The following WNT2B variants were observed in gnomAD, a reference collection of about 807,000 sequenced individuals.
WNT2B encodes Wnt family member 2B, also known as protein Wnt-2b.
In WNT2B, 19 loss-of-function variants were observed where a neutral mutation model predicts 40.5. The ratio of observed to expected loss-of-function variants is 0.47; its 90% CI spans 0.33 to 0.69. The LOEUF (loss-of-function observed/expected upper bound fraction) is 0.69. WNT2B is among the 30% of genes least tolerant of loss of function. The pLI is 0.02. For synonymous variants in WNT2B, 220 were observed against 211.9 expected, an observed-to-expected ratio of 1.04 and a Z score of -0.33; for missense variants, 467 against 556.4, an observed-to-expected ratio of 0.84 and a Z score of 1.62.
At chr1:112,476,463 T>C (rs1042682550) in intron 1 of WNT2B, among the ~76,000 whole-genome samples, 3 of 151,522 alleles carry the variant, frequency 2.0e-5, no homozygotes, top group African/African-American at 7.3e-5. Flanking sequence ...CCAACCAAAA[T>C]AGCTCTGGGA....
chr1:112,474,312 ATTTT>A (rs34850561), intron 1 of WNT2B, among the ~76,000 whole-genome samples: 1 of 150,480 alleles, frequency 6.6e-6, no homozygotes, highest in Non-Finnish European at 1.5e-5. Context: ...CATCTGACTG[ATTTT>A]TTTTTGTATT....
Position 112,467,380 on chromosome 1 carries a change from T to C in WNT2B, c.-306T>C, listed in dbSNP as rs554625234. ...CACATTTACCAAGAAGCTAATGAGGTTTAAGCTTCGAGGCCCATCACTGGC... is the reference window on the plus strand; with the variant it reads ...CACATTTACCAAGAAGCTAATGAGGCTTAAGCTTCGAGGCCCATCACTGGC... On this transcript the variant is annotated 5_prime_UTR_variant, in exon 1 of 5. Coordinates refer to the WNT2B transcript ENST00000256640. 5.7e-5 allele frequency: 35 copies of C among 610,326 alleles called. No individual in the cohort carries two copies. The African/African-American group carries it at 6.2e-4, about 11-fold the overall frequency. 37.8% of individuals were successfully genotyped at this position (610,326 alleles called of 1,614,324 possible).
chr1:112,512,078 G>T (rs1458853519), intron 1 of WNT2B, among the ~76,000 whole-genome samples: 1 of 139,960 alleles, frequency 7.1e-6, no homozygotes, highest in African/African-American at 2.6e-5. Flanking sequence ...AAGGAGGAAA[G>T]AAAAAAAAAA....
intron 4 of WNT2B, chr1:112,518,132 G>C (rs1166109430): frequency 6.6e-6 from 1 of 152,230 alleles, no homozygotes; most frequent in African/African-American, 2.4e-5. Context: ...GCAGCAAATG[G>C]TTGTTTTTCA....
At chr1:112,502,635 C>A (rs1051493555) in intron 1 of WNT2B, among the ~76,000 whole-genome samples, 3 of 152,138 alleles carry the variant, frequency 2.0e-5, no homozygotes, top group African/African-American at 7.2e-5. Context: ...TCCACGGTCC[C>A]CAGCCTCACC....
At chr1:112,518,599 C>T (rs1652694078) in intron 4 of WNT2B, among the ~76,000 whole-genome samples, 1 of 152,170 alleles carries the variant, frequency 6.6e-6, no homozygotes, top group South Asian at 2.1e-4. Flanking sequence ...TGGTCTAATT[C>T]AGAGGGTCAC....
upstream of WNT2B, among the ~76,000 whole-genome samples, chr1:112,505,541 G>T (rs1462427881): frequency 2.0e-5 from 3 of 152,174 alleles, no homozygotes; most frequent in Non-Finnish European, 2.9e-5. Flanking sequence ...AAATGAAGAT[G>T]CAGGTCAGGA....
At chr1:112,514,189 A>T (rs555299575) in intron 1 of WNT2B, among the ~76,000 whole-genome samples, 87 of 152,214 alleles carry the variant, frequency 5.7e-4, no homozygotes, top group Middle Eastern at 3.4e-3. Context: ...AGGTCCATCC[A>T]GGTTGGGGAA....
In WNT2B at chr1:112,524,789, C is replaced by A. The variant is rs1178746753; in HGVS notation, c.*4280C>A. 3 of 152,210 alleles carry A rather than the reference C, an allele frequency of 2.0e-5. No homozygotes were observed. In the East Asian group the frequency reaches 5.8e-4, roughly 29 times the overall value. 9.4% of individuals were successfully genotyped at this position (152,210 alleles called of 1,614,324 possible). Reference sequence around the variant, plus strand: ...ACACAGAGGTGTACATATACAGACACATAGAGAACTTCTCTCAGGCTGCAT... The same window carrying A: ...ACACAGAGGTGTACATATACAGACAAATAGAGAACTTCTCTCAGGCTGCAT... On this transcript the variant is annotated 3_prime_UTR_variant, in exon 5 of 5. Transcript: ENST00000369684.
intron 1 of WNT2B, chr1:112,491,019 A>C: frequency 6.2e-7 from 1 of 1,614,054 alleles, no homozygotes; most frequent in Non-Finnish European, 8.5e-7. Context: ...AGACTGAAGG[A>C]TCCTTGAGGA....
chr1:112,495,726 A>G (rs1380997758), intron 1 of WNT2B, among the ~76,000 whole-genome samples: 1 of 152,244 alleles, frequency 6.6e-6, no homozygotes, highest in Non-Finnish European at 1.5e-5. Context: ...TAAGAAATCA[A>G]ATATAAACAA....
intron 1 of WNT2B, among the ~76,000 whole-genome samples, chr1:112,481,576 T>C (rs1651225665): frequency 6.6e-6 from 1 of 152,068 alleles, no homozygotes; most frequent in African/African-American, 2.4e-5. Flanking sequence ...GAAAAAGCCA[T>C]CCAAACAAAA....
intron 1 of WNT2B, among the ~76,000 whole-genome samples, chr1:112,510,166 A>G (rs2101083079): frequency 6.6e-6 from 1 of 151,718 alleles, no homozygotes; most frequent in South Asian, 2.1e-4. Flanking sequence ...GATTTCTTGC[A>G]GGCCCTAGAC....
chr1:112,488,296 TCAAA>T (rs762642412), intron 1 of WNT2B, among the ~76,000 whole-genome samples: 8 of 151,952 alleles, frequency 5.3e-5, no homozygotes, highest in East Asian at 1.9e-4. Context: ...AGACTCTGTC[TCAAA>T]CAAACAAACA....
rs1653766348 is a variant in WNT2B, at chr1:112,528,125, A to G, written c.*7616A>G. The G allele has an allele frequency of 6.6e-6, 1 of 152,218 alleles. No homozygotes were observed. The highest frequency in any genetic ancestry group is 2.4e-5 in the African/African-American group (1 of 41,466). The allele number at this position is 152,218 out of a possible 1,614,324, so 9.4% of individuals were successfully genotyped here. ...GTTAATGAGATTAAGCAGAGATGGCATTCCACAGGAGGTGACTTTTGAGTT... is the reference window on the plus strand; with the variant it reads ...GTTAATGAGATTAAGCAGAGATGGCGTTCCACAGGAGGTGACTTTTGAGTT... On this transcript the variant is annotated 3_prime_UTR_variant, in exon 5 of 5. Transcript: ENST00000369684.
At position 112,516,231 on chromosome 1, in the gene WNT2B, G is replaced by C. The variant is rs980295296; in HGVS notation, c.495G>C (p.Val165=). The change falls in exon 3 of 5, where the codon GTG becomes GTC. Residue 165 remains valine (V), a synonymous_variant. Coordinates refer to ENST00000369684, the MANE Select transcript of WNT2B (RefSeq NM_024494.3). The part of the protein sequence containing the change: ...TRACSQGELS[V]CSCDPYTRGR... ...CCTGTAGCCAGGGTGAACTGAGTGT[G>C]TGCAGCTGTGACCCCTACACCCGTG... 2 of 1,614,096 alleles carry C rather than the reference G, an allele frequency of 1.2e-6. No individual in the cohort carries two copies. The highest frequency in any genetic ancestry group is 2.7e-5 in the African/African-American group (2 of 75,018).
At chr1:112,506,742 G>A (rs1277983837), upstream of WNT2B, among the ~76,000 whole-genome samples, 1 of 152,248 alleles carries the variant, frequency 6.6e-6, no homozygotes, top group Admixed American at 6.5e-5. Flanking sequence ...AAATAGCCAG[G>A]CCAACTGGAG....
At chr1:112,480,432 A>G (rs1651192354) in intron 1 of WNT2B, among the ~76,000 whole-genome samples, 1 of 151,984 alleles carries the variant, frequency 6.6e-6, no homozygotes, top group African/African-American at 2.4e-5. Context: ...TGTATAAAGG[A>G]CTATTATGAA....
chr1:112,514,614 A>G, intron 1 of WNT2B: 1 of 546,102 alleles, frequency 1.8e-6, no homozygotes, highest in Non-Finnish European at 3.3e-6. Flanking sequence ...GTGTTCTGGG[A>G]GTGTATGTCA....
Sources: gnomAD v4.1 joint callset for allele counts (sites outside exome capture counted in the v4.1 genomes callset) on GRCh38, gnomAD v4.1.1 for gene constraint, MANE v1.5 for transcripts, NCBI Gene and HGNC (gene_info 2026-07-23, HGNC 2026-07-21) for gene names.